CACNA1S: variants seen among roughly 807,000 people sequenced by gnomAD.
The protein encoded by CACNA1S is calcium voltage-gated channel subunit alpha1 S.
Under a neutral mutation model 207.4 loss-of-function variants are expected in CACNA1S, and 126 were observed. The observed-to-expected ratio is 0.61, with a 90% CI of 0.53 to 0.70. CACNA1S has a LOEUF of 0.70. CACNA1S is among the 30% of genes least tolerant of loss of function. CACNA1S has a pLI of 0.00. For missense variants in CACNA1S, 2,349 were observed against 2,422.8 expected (o/e 0.97, Z 0.64); for synonymous variants, 960 against 932.7 (o/e 1.03, Z -0.53).
chr1:201,061,596 G>T, intron 24 of CACNA1S, 128 bp from the exon 25 acceptor site: 1 of 900,344 alleles, frequency 1.1e-6, no homozygotes, highest in Non-Finnish European at 1.7e-6. Context: ...ATCAAGTTAC[G>T]GGACAGGAGT....
chr1:201,112,259 T>G lies in CACNA1S; in HGVS notation c.81A>C (p.Pro27=), dbSNP rs771127532. The change falls in exon 1 of 44, where the codon CCA becomes CCC. Residue 27 remains proline, a synonymous_variant. Transcript: ENST00000362061. ...GGGTCAGGCAGAACAAGGCCCGGGG[T>G]GGCCTTGGCAGAATCTCAGGAACTG... ...KKPVPEILPR[P]PRALFCLTLE... is the part of the protein sequence containing the mutation. The G allele has an allele frequency of 6.2e-7, 1 of 1,613,170 alleles. No homozygotes were observed. Among genetic ancestry groups the G allele is most frequent in the South Asian group, 1.1e-5 (1 of 91,026 alleles).
At chr1:201,100,858 C>CT (rs202047386) in intron 2 of CACNA1S, among the ~76,000 whole-genome samples, 2,630 of 145,134 alleles carry the variant, frequency 0.018, 69 homozygotes, top group African/African-American at 0.055. Context: ...AAGGTAAGTA[C>CT]TTTTTTTTTT....
intron 19 of CACNA1S, among the ~76,000 whole-genome samples, chr1:201,068,401 C>G (rs1661326503): frequency 6.6e-6 from 1 of 150,900 alleles, no homozygotes; most frequent in South Asian, 2.1e-4. Context: ...TGCCGCCATG[C>G]CTGCCTAATT....
chr1:201,070,587 G>C (rs1160713008), intron 16 of CACNA1S, among the ~76,000 whole-genome samples, 183 bp from the exon 17 acceptor site: 1 of 152,208 alleles, frequency 6.6e-6, no homozygotes, highest in East Asian at 1.9e-4. Flanking sequence ...ACAGTGAGCA[G>C]ATTTGAGCGT....
At chr1:201,044,049 G>T (rs984065506) in intron 39 of CACNA1S, among the ~76,000 whole-genome samples, 2 of 152,190 alleles carry the variant, frequency 1.3e-5, no homozygotes, top group Non-Finnish European at 2.9e-5. Context: ...AGGGCCTCTG[G>T]GAGATGGGTC....
chr1:201,049,695 C>T (rs369394281), intron 34 of CACNA1S, among the ~76,000 whole-genome samples: 80 of 152,286 alleles, frequency 5.3e-4, no homozygotes, highest in African/African-American at 1.8e-3. Context: ...AAACATTCCC[C>T]GCCTGTCTCC....
chr1:201,095,024 C>G (rs1031632164), intron 2 of CACNA1S, among the ~76,000 whole-genome samples: 2 of 152,118 alleles, frequency 1.3e-5, no homozygotes, highest in Admixed American at 6.5e-5. Flanking sequence ...TCTAAGAGCT[C>G]TGGCCTCCAG....
At position 201,100,757 on chromosome 1, in the gene CACNA1S, A is replaced by C. The variant is rs371176419; in HGVS notation, c.259-6736T>G. Among the ~76,000 whole-genome samples, 7 of 152,294 alleles carry C rather than the reference A, an allele frequency of 4.6e-5. No homozygotes were observed. The East Asian group carries it at 1.4e-3, about 29-fold the overall frequency. ...ACCAGTGCTGTCTTGGGTAATGAGG[A>C]TAATAATAGCTAAGCTTTAGTAAGC... is the stretch of plus-strand genomic sequence containing the variant. On this transcript the variant is annotated intron_variant, in intron 2 of 43. Coordinates refer to ENST00000362061, the MANE Select transcript of CACNA1S (RefSeq NM_000069.3).
chr1:201,040,358 G>T lies in CACNA1S; in HGVS notation c.5243C>A (p.Ser1748Tyr). 2 of 1,613,546 alleles carry T rather than the reference G, an allele frequency of 1.2e-6. No homozygotes were observed. Among genetic ancestry groups the T allele is most frequent in the Non-Finnish European group, 8.5e-7 (1 of 1,179,946 alleles). Residue 1748 changes from serine to tyrosine, a missense_variant, in exon 43 of 44, where the codon TCC (serine) becomes TAC (tyrosine). Physicochemically the swap from Ser to Tyr is moderately radical, Grantham distance 144. Transcript: ENST00000362061. ...GCTCTTTCTGTCCTCAGGCATGGAG[G>T]ACTCCACCCTGGGGCACTGTTCCAA... ...PAPCQCPRVESSMPEDRKSST... is the reference protein window; with the variant it reads ...PAPCQCPRVEYSMPEDRKSST...
intron 33 of CACNA1S, 68 bp downstream of exon 33, chr1:201,050,916 A>G: frequency 1.3e-6 from 2 of 1,536,058 alleles, no homozygotes; most frequent in Non-Finnish European, 1.8e-6. Context: ...AGGAAGGGGC[A>G]GGCAGGCTCC....
In CACNA1S at chr1:201,039,697, C is replaced by G; in HGVS notation, c.*134G>C. 1 of 1,255,092 alleles carries G rather than the reference C, an allele frequency of 8.0e-7. No homozygotes were observed. Among genetic ancestry groups the G allele is most frequent in the Non-Finnish European group, 1.1e-6 (1 of 883,268 alleles). The allele number at this position is 1,255,092 out of a possible 1,614,324, so 77.7% of individuals were successfully genotyped here. ...CTTTTTGAGGTGGTTCCTGACCACC[C>G]TGCCTCAGGCCATGCATCTAGCTGC... On this transcript the variant is annotated 3_prime_UTR_variant, in exon 44 of 44. Coordinates refer to ENST00000362061, the MANE Select transcript of CACNA1S (RefSeq NM_000069.3).
At chr1:201,065,778 G>T in intron 22 of CACNA1S, 60 bp downstream of exon 22, 1 of 1,114,264 alleles carries the variant, frequency 9.0e-7, no homozygotes, top group Non-Finnish European at 1.4e-6. Context: ...CCTTGTGCTT[G>T]AGAGTGGGCA....
chr1:201,053,376 TC>T lies in CACNA1S; in HGVS notation c.3795+82del, dbSNP rs1048671008. On this transcript the variant is annotated intron_variant, in intron 30 of 43. Transcript: ENST00000362061. This position sits in a 1 kb window ranked among gnomAD's most constrained non-coding sequence, Gnocchi z 5.1. ...CCCAGGGCTCTGCCTTGCCCAGGGCTCCCCTGGGGCCCACCCTGGGCTGAGG... is the reference window on the plus strand; with the variant it reads ...CCCAGGGCTCTGCCTTGCCCAGGGCTCCCTGGGGCCCACCCTGGGCTGAGG... The T allele has an allele frequency of 6.0e-4, 970 of 1,608,748 alleles. 1 individual carries two copies. Among genetic ancestry groups the T allele is most frequent in the Admixed American group, 7.8e-4 (47 of 59,974 alleles).
At chr1:201,102,567 C>A (rs549968546) in intron 2 of CACNA1S, among the ~76,000 whole-genome samples, 201 of 152,288 alleles carry the variant, frequency 1.3e-3, no homozygotes, top group Non-Finnish European at 2.2e-3. Context: ...ACAGTCATAC[C>A]CATACCCAAC....
chr1:201,095,391 C>T (rs180679245), intron 2 of CACNA1S, among the ~76,000 whole-genome samples: 5 of 152,212 alleles, frequency 3.3e-5, no homozygotes, highest in East Asian at 1.9e-4. Context: ...TCCTTAACTG[C>T]GGAGCCAGAC....
At chr1:201,060,286 A>G (rs1311939634) in intron 26 of CACNA1S, among the ~76,000 whole-genome samples, 1 of 152,218 alleles carries the variant, frequency 6.6e-6, no homozygotes, top group Non-Finnish European at 1.5e-5. Context: ...TTTTGCAAAT[A>G]CTAAACCCAT....
Position 201,073,591 on chromosome 1 carries a change from C to T in CACNA1S, c.2115G>A (p.Leu705=). 1 of 1,614,220 alleles carries T rather than the reference C, an allele frequency of 6.2e-7. No individual in the cohort carries two copies. The highest frequency in any genetic ancestry group is 1.3e-5 in the African/African-American group (1 of 75,062). Residue 705 remains leucine (L), a synonymous_variant, in exon 15 of 44, where the codon CTG becomes CTA. Coordinates refer to ENST00000362061, the MANE Select transcript of CACNA1S (RefSeq NM_000069.3). ...TGCCCTCACCCTTGGGTTTCTGCTC[C>T]AGCTTCTTGGCCATCGTTGACTTCT... ...EEEKSTMAKK[L]EQKPKGEGIP... is the part of the protein sequence containing the mutation.
intron 2 of CACNA1S, among the ~76,000 whole-genome samples, chr1:201,103,385 C>T (rs1008863619): frequency 2.0e-5 from 3 of 152,142 alleles, no homozygotes; most frequent in Admixed American, 1.3e-4. Flanking sequence ...TCCTTTCCTG[C>T]GACTCCCCAG....
intron 7 of CACNA1S, 32 bp from the exon 8 acceptor site, chr1:201,085,613 G>A (rs772287263): frequency 2.5e-6 from 4 of 1,613,010 alleles, no homozygotes; most frequent in South Asian, 2.2e-5. Flanking sequence ...AGGAGAGGAG[G>A]AGAAGAGGGA....
Sources: allele counts gnomAD v4.1 joint callset (sites outside exome capture counted in the v4.1 genomes callset), GRCh38; gene constraint gnomAD v4.1.1; non-coding constraint Gnocchi (gnomAD v3.1); transcripts MANE v1.5; gene names NCBI Gene and HGNC (gene_info 2026-07-23, HGNC 2026-07-21).